SEC11A: variants seen among roughly 807,000 people sequenced by gnomAD.
SEC11A encodes SEC11 homolog A, signal peptidase complex subunit.
In SEC11A, 14 loss-of-function variants were observed where a neutral mutation model predicts 25.6. The ratio of observed to expected loss-of-function variants is 0.55; its 90% CI spans 0.36 to 0.85. SEC11A has a LOEUF of 0.85. Among genes scored for constraint, SEC11A ranks in the 40% least tolerant of loss-of-function variants. SEC11A has a pLI of 0.01. For synonymous variants in SEC11A, 83 were observed against 76.4 expected (o/e 1.09, Z -0.45); for missense variants, 153 against 222.9 (o/e 0.69, Z 2.00).
intron 1 of SEC11A, among the ~76,000 whole-genome samples, chr15:84,704,749 G>A (rs1898045197): frequency 6.6e-6 from 1 of 152,106 alleles, no homozygotes. Flanking sequence ...CTGGCAAATG[G>A]TATTGCCATG....
rs150030122 is a variant in SEC11A at position 84,681,125 on chromosome 15, C to T, written c.312-293G>A. Among the ~76,000 whole-genome samples, 806 of 152,108 alleles carry T rather than the reference C, an allele frequency of 5.3e-3. 8 individuals are homozygous for T. Among genetic ancestry groups the T allele is most frequent in the African/African-American group, 0.018 (763 of 41,510 alleles). ...ATTTTATTAAGTGAAGAAAAGAATA[C>T]AAAATAGCATGTACAGTACAATCTC... On this transcript the variant is annotated intron_variant, in intron 3 of 5. Transcript: ENST00000268220.
chr15:84,674,147 T>C (rs1897073958), intron 4 of SEC11A, among the ~76,000 whole-genome samples: 1 of 151,762 alleles, frequency 6.6e-6, no homozygotes, highest in African/African-American at 2.4e-5. Flanking sequence ...AGCTGAAAAG[T>C]AACAGTCGTT....
chr15:84,692,751 G>A (rs1442856242), intron 1 of SEC11A, among the ~76,000 whole-genome samples: 2 of 152,172 alleles, frequency 1.3e-5, no homozygotes, highest in East Asian at 3.8e-4. Flanking sequence ...GGAAAGTACT[G>A]GGAGAAATCT....
intron 1 of SEC11A, among the ~76,000 whole-genome samples, chr15:84,711,681 T>C (rs771441489): frequency 8.7e-5 from 13 of 148,998 alleles, no homozygotes; most frequent in Non-Finnish European, 1.9e-4. Flanking sequence ...TAGCCAGACG[T>C]GGTGGCGCAC....
chr15:84,712,514 C>G (rs1898310982), intron 1 of SEC11A, among the ~76,000 whole-genome samples: 1 of 146,242 alleles, frequency 6.8e-6, no homozygotes, highest in Non-Finnish European at 1.5e-5. Flanking sequence ...GTGGTGCGAT[C>G]TGGGCTCACT....
chr15:84,710,589 G>C (rs1040338931), intron 1 of SEC11A, among the ~76,000 whole-genome samples: 1 of 152,200 alleles, frequency 6.6e-6, no homozygotes, highest in African/African-American at 2.4e-5. Flanking sequence ...GTTGAGCCTA[G>C]ATGGTGCCAC....
intron 4 of SEC11A, 143 bp downstream of exon 4, chr15:84,680,570 C>G: frequency 1.2e-6 from 1 of 827,516 alleles, no homozygotes; most frequent in Non-Finnish European, 1.7e-6. Flanking sequence ...TTTTAAGAAG[C>G]AAAATTTTCA....
intron 5 of SEC11A, 60 bp from the exon 6 acceptor site, chr15:84,670,129 G>A: frequency 1.3e-6 from 2 of 1,538,340 alleles, no homozygotes; most frequent in Non-Finnish European, 1.8e-6. Flanking sequence ...GAGGTTCTAA[G>A]AGTTAATTAA....
chr15:84,708,084 G>A (rs1898150523), intron 1 of SEC11A, among the ~76,000 whole-genome samples: 1 of 151,448 alleles, frequency 6.6e-6, no homozygotes, highest in Non-Finnish European at 1.5e-5. Flanking sequence ...GGTGGCACAC[G>A]CCTGTAATCC....
intron 4 of SEC11A, among the ~76,000 whole-genome samples, chr15:84,680,259 C>G (rs1269922570): frequency 6.6e-6 from 1 of 150,828 alleles, no homozygotes; most frequent in Non-Finnish European, 1.5e-5. Context: ...TGAGATCGCG[C>G]TATTGCACTC....
intron 4 of SEC11A, among the ~76,000 whole-genome samples, chr15:84,678,479 A>G (rs960737461): frequency 2.0e-5 from 3 of 152,200 alleles, no homozygotes; most frequent in African/African-American, 7.2e-5. Context: ...ATACCTAACA[A>G]CAGGAGACTG....
At chr15:84,677,103 AG>A (rs1397019080) in intron 4 of SEC11A, among the ~76,000 whole-genome samples, 2 of 152,066 alleles carry the variant, frequency 1.3e-5, no homozygotes, top group Non-Finnish European at 2.9e-5. Flanking sequence ...GAAAAAAAAA[AG>A]CATGAAGACG....
intron 4 of SEC11A, chr15:84,671,698 T>A (rs374718067): frequency 4.6e-5 from 7 of 152,230 alleles, no homozygotes; most frequent in Admixed American, 4.6e-4. Context: ...CAATGATGCC[T>A]ATCTTGTTCC....
At position 84,702,483 on chromosome 15, in the gene SEC11A, A is replaced by T. The variant is rs1321170773; in HGVS notation, c.52-10839T>A. Among the ~76,000 whole-genome samples the T allele has an allele frequency of 7.9e-5, 12 of 151,458 alleles. No homozygotes were observed. In the South Asian group the frequency reaches 1.5e-3, roughly 18 times the overall value. ...CTCCGTCTCAAAAAAAAAAAAAAAA[A>T]TTTTAGAGATGAGGTCTTGCTATGT... is the stretch of plus-strand genomic sequence containing the variant. On this transcript the variant is annotated intron_variant, in intron 1 of 5. Transcript: ENST00000268220.
In SEC11A at chr15:84,670,131, G is replaced by C. The variant is rs1896943958; in HGVS notation, c.490-62C>G. On this transcript the variant is annotated intron_variant, in intron 5 of 5. Transcript: ENST00000268220. ...GTTGAAAAGTTCAGAGGTTCTAAGA[G>C]TTAATTAACAAATTGGTCTTTGTGA... 2.0e-6 allele frequency: 3 copies of C among 1,518,808 alleles called. No individual in the cohort carries two copies. The African/African-American group carries it at 4.2e-5, about 21-fold the overall frequency. The allele number at this position is 1,518,808 out of a possible 1,614,324, so 94.1% of individuals were successfully genotyped here. A position where few individuals can be genotyped will look rare whatever the true frequency, so the allele number is the denominator to read the frequency against.
At chr15:84,713,866 G>A in intron 1 of SEC11A, among the ~76,000 whole-genome samples, 1 of 152,086 alleles carries the variant, frequency 6.6e-6, no homozygotes, top group Non-Finnish European at 1.5e-5. Flanking sequence ...CAACTTAAAT[G>A]CTAGTTTCTC....
chr15:84,707,506 T>A (rs185965140), intron 1 of SEC11A, among the ~76,000 whole-genome samples: 197 of 152,222 alleles, frequency 1.3e-3, no homozygotes, highest in Middle Eastern at 3.4e-3. Flanking sequence ...CTATAATAAA[T>A]CCATTATTCA....
chr15:84,671,850 C>T (rs1173393606), intron 4 of SEC11A: 2 of 152,178 alleles, frequency 1.3e-5, no homozygotes, highest in Admixed American at 1.3e-4. Flanking sequence ...GCTTAAATTC[C>T]TCTCCATGCA....
intron 4 of SEC11A, chr15:84,671,991 T>G (rs1354888252): frequency 1.3e-5 from 2 of 152,250 alleles, no homozygotes; most frequent in Non-Finnish European, 2.9e-5. Flanking sequence ...ATCGCTGGAC[T>G]CCAGAGCGGA....
Sources: gnomAD v4.1 joint callset for allele counts (sites outside exome capture counted in the v4.1 genomes callset) on GRCh38, gnomAD v4.1.1 for gene constraint, MANE v1.5 for transcripts, NCBI Gene and HGNC (gene_info 2026-07-23, HGNC 2026-07-21) for gene names.